OXR1: variants seen among roughly 807,000 people sequenced by gnomAD.
The protein encoded by OXR1 is oxidation resistance 1.
OXR1 carries 41 observed loss-of-function variants against 104.6 expected under a neutral mutation model. The ratio of observed to expected loss-of-function variants is 0.39; its 90% CI spans 0.31 to 0.51. The LOEUF (loss-of-function observed/expected upper bound fraction) is 0.51, where lower values mean the gene tolerates loss of function less well. Among genes scored for constraint, OXR1 ranks in the 20% least tolerant of loss-of-function variants. The pLI, the probability that OXR1 is intolerant of heterozygous loss-of-function variation, is 0.77. For synonymous variants in OXR1, 348 were observed against 348.4 expected (o/e 1.00, Z 0.01); for missense variants, 955 against 1,031.9 (o/e 0.93, Z 1.02).
rs191398071 is a variant in OXR1 at position 106,704,162 on chromosome 8, G to A, written c.860+1072G>A. On this transcript the variant is annotated intron_variant, in intron 8 of 16. Transcript: ENST00000517566. ...GAGCTGCAGATAATTCCTAGAAGGT[G>A]TTAGTATCCTCTGTATTAGTTATAT... 1.4e-4 allele frequency among the ~76,000 whole-genome samples: 22 copies of A among 152,138 alleles called. No individual in the cohort carries two copies. The East Asian group carries it at 4.1e-3, about 28-fold the overall frequency.
chr8:106,421,802 G>T (rs978839832), intron 2 of OXR1, among the ~76,000 whole-genome samples: 8 of 152,184 alleles, frequency 5.3e-5, no homozygotes, highest in African/African-American at 1.9e-4. Flanking sequence ...ACTGGGAGAG[G>T]CCATGAATTG....
At chr8:106,409,239 CAT>C (rs950003376) in intron 2 of OXR1, among the ~76,000 whole-genome samples, 20 of 152,030 alleles carry the variant, frequency 1.3e-4, no homozygotes, top group Non-Finnish European at 2.4e-4. Flanking sequence ...AAAGACCGAC[CAT>C]ATATTCTGTG....
intron 3 of OXR1, among the ~76,000 whole-genome samples, chr8:106,630,464 T>C (rs574407003): frequency 6.6e-6 from 1 of 152,308 alleles, no homozygotes; most frequent in Non-Finnish European, 1.5e-5. Context: ...GACTAGAAAC[T>C]AAGTATTTTG....
chr8:106,447,618 T>A (rs1820064886), intron 2 of OXR1, among the ~76,000 whole-genome samples: 1 of 152,210 alleles, frequency 6.6e-6, no homozygotes, highest in South Asian at 2.1e-4. Context: ...GTGATAGCAA[T>A]GTCAATATCA....
Position 106,585,306 on chromosome 8 carries a change from C to A in OXR1, c.220+66167C>A, listed in dbSNP as rs115638637. Reference sequence around the variant, plus strand: ...AGATAGCAATCCAAGTCCCTTCTTTCAGTGGGACTTCTAAAGCCCACTCCT... The same window carrying A: ...AGATAGCAATCCAAGTCCCTTCTTTAAGTGGGACTTCTAAAGCCCACTCCT... On this transcript the variant is annotated intron_variant, in intron 3 of 16. Coordinates refer to ENST00000517566, the MANE Select transcript of OXR1 (RefSeq NM_001198533.2). 6.3e-3 allele frequency among the ~76,000 whole-genome samples: 952 copies of A among 152,198 alleles called. 10 individuals carry two copies. Among genetic ancestry groups the A allele is most frequent in the African/African-American group, 0.021 (870 of 41,530 alleles).
chr8:106,586,514 A>G (rs991901682), intron 3 of OXR1, among the ~76,000 whole-genome samples: 2 of 152,208 alleles, frequency 1.3e-5, no homozygotes, highest in Non-Finnish European at 2.9e-5. Flanking sequence ...AAATTGAGAA[A>G]TGGAATAAAC....
Position 106,694,606 on chromosome 8 carries a change from ATATG to A in OXR1, c.675+1731_675+1734del, listed in dbSNP as rs1337665419. On this transcript the variant is annotated intron_variant, in intron 7 of 16. Transcript: ENST00000517566. Reference sequence around the variant, plus strand: ...GTTTATATATATTTGATATATAAATATATGTTTATATATATTTGATATATAAATA... The same window carrying A: ...GTTTATATATATTTGATATATAAATATTTATATATATTTGATATATAAATA... Among the ~76,000 whole-genome samples, 102 of 53,914 alleles carry A rather than the reference ATATG, an allele frequency of 1.9e-3. 2 individuals carry two copies. Among genetic ancestry groups the A allele is most frequent in the Non-Finnish European group, 2.8e-3 (84 of 30,030 alleles). The allele number at this position is 53,914 out of a possible 152,430, so 35.4% of individuals were successfully genotyped here. A position where few individuals can be genotyped will look rare whatever the true frequency, so the allele number is the denominator to read the frequency against.
At chr8:106,545,151 AT>A (rs1233903221) in intron 3 of OXR1, among the ~76,000 whole-genome samples, 1 of 152,184 alleles carries the variant, frequency 6.6e-6, no homozygotes, top group Non-Finnish European at 1.5e-5. Flanking sequence ...GAATTGCCAC[AT>A]GTACCCTGGG....
intron 2 of OXR1, among the ~76,000 whole-genome samples, chr8:106,398,410 G>A (rs774928927): frequency 6.6e-6 from 1 of 152,112 alleles, no homozygotes; most frequent in Non-Finnish European, 1.5e-5. Flanking sequence ...TTTGCAACAG[G>A]ATTGAGAGCT....
intron 3 of OXR1, among the ~76,000 whole-genome samples, chr8:106,573,557 T>A (rs1267851585): frequency 6.6e-6 from 1 of 152,246 alleles, no homozygotes; most frequent in African/African-American, 2.4e-5. Flanking sequence ...ATGAAAGACA[T>A]GATTTGAAGA....
intron 3 of OXR1, among the ~76,000 whole-genome samples, chr8:106,611,843 T>C (rs1382017046): frequency 6.6e-6 from 1 of 152,136 alleles, no homozygotes; most frequent in Non-Finnish European, 1.5e-5. Flanking sequence ...AAATAATGAA[T>C]TCAGTTTTTA....
At chr8:106,697,381 A>G (rs1830148484) in intron 7 of OXR1, 2 of 1,248,788 alleles carry the variant, frequency 1.6e-6, no homozygotes, top group Non-Finnish European at 2.3e-6. Flanking sequence ...CTACATGTAT[A>G]TTAACCACTC....
At chr8:106,732,787 T>G (rs1475432146) in intron 11 of OXR1, among the ~76,000 whole-genome samples, 1 of 152,164 alleles carries the variant, frequency 6.6e-6, no homozygotes, top group Non-Finnish European at 1.5e-5. Flanking sequence ...AGTTTGCTAG[T>G]GTTTTGTTGA....
intron 1 of OXR1, among the ~76,000 whole-genome samples, chr8:106,353,592 T>TG (rs1198177801): frequency 6.6e-6 from 1 of 152,080 alleles, no homozygotes; most frequent in African/African-American, 2.4e-5. Context: ...TTACATTAAA[T>TG]TTTTTTCTTA....
chr8:106,677,630 T>A (rs1827734744), intron 3 of OXR1, among the ~76,000 whole-genome samples: 1 of 152,138 alleles, frequency 6.6e-6, no homozygotes, highest in Admixed American at 6.6e-5. Context: ...AGGACATTTT[T>A]ACATCCTCTT....
rs1042742113 is a variant in OXR1, at chr8:106,274,224, C to T, written c.-139+3857C>T. ...TGAGAAGCATCAAGCCTTTCGATTC[C>T]GTAGCACAATACGTTGCCTAGAAAG... On this transcript the variant is annotated intron_variant, in intron 1 of 16. Transcript: ENST00000517566. Among the ~76,000 whole-genome samples the T allele has an allele frequency of 3.3e-5, 5 of 152,122 alleles. No homozygotes were observed. In the East Asian group the frequency reaches 7.7e-4, roughly 23 times the overall value.
In OXR1 at chr8:106,409,466, G is replaced by A. The variant is rs568484038; in HGVS notation, c.23+49830G>A. 2.0e-5 allele frequency among the ~76,000 whole-genome samples: 3 copies of A among 152,134 alleles called. No individual in the cohort carries two copies. In the East Asian group the frequency reaches 5.8e-4, roughly 29 times the overall value. On this transcript the variant is annotated intron_variant, in intron 2 of 16. Coordinates refer to ENST00000517566, the MANE Select transcript of OXR1 (RefSeq NM_001198533.2). ...GCAAACAAAAAACAGGAAGGGAGGA[G>A]GGATTTAACAAAAGGGATTTAACAA...
chr8:106,486,052 A>T (rs1430852576), intron 2 of OXR1, among the ~76,000 whole-genome samples: 1 of 152,066 alleles, frequency 6.6e-6, no homozygotes, highest in Non-Finnish European at 1.5e-5. Flanking sequence ...ATTGTACAAC[A>T]TGGTGACTAT....
At chr8:106,284,890 A>T (rs1386662837) in intron 1 of OXR1, among the ~76,000 whole-genome samples, 1 of 152,134 alleles carries the variant, frequency 6.6e-6, no homozygotes, top group Non-Finnish European at 1.5e-5. Flanking sequence ...ACTTTATTAT[A>T]AAGGGCTGGA....
Sources: allele counts gnomAD v4.1 joint callset (sites outside exome capture counted in the v4.1 genomes callset), GRCh38; gene constraint gnomAD v4.1.1; transcripts MANE v1.5; gene names NCBI Gene and HGNC (gene_info 2026-07-23, HGNC 2026-07-21).